The following SFXN1 variants were observed in gnomAD, a reference collection of about 807,000 sequenced individuals.
SFXN1 encodes sideroflexin-1.
SFXN1 carries 32 observed loss-of-function variants against 39.5 expected under a neutral mutation model. That is an observed-to-expected ratio of 0.81 (90% confidence interval 0.61 to 1.09). The LOEUF (loss-of-function observed/expected upper bound fraction) is 1.09, where lower values mean the gene tolerates loss of function less well. SFXN1 is among the 50% of genes least tolerant of loss of function. The pLI, the probability that SFXN1 is intolerant of heterozygous loss-of-function variation, is 0.00. For synonymous variants in SFXN1, 136 were observed against 146.5 expected (o/e 0.93, Z 0.52); for missense variants, 402 against 407.1 (o/e 0.99, Z 0.11).
At chr5:175,519,440 A>C (rs1424893236) in intron 8 of SFXN1, among the ~76,000 whole-genome samples, 1 of 152,266 alleles carries the variant, frequency 6.6e-6, no homozygotes, top group Non-Finnish European at 1.5e-5. Flanking sequence ...GAAACAGCTC[A>C]AATGCCAATA....
chr5:175,514,484 G>A (rs1760649210), intron 7 of SFXN1, among the ~76,000 whole-genome samples: 1 of 152,110 alleles, frequency 6.6e-6, no homozygotes, highest in Non-Finnish European at 1.5e-5. Context: ...GGCAGTTAGA[G>A]TGCTCTTCAC....
intron 1 of SFXN1, chr5:175,484,218 A>AC (rs1482720864): frequency 6.6e-6 from 1 of 152,194 alleles, no homozygotes; most frequent in East Asian, 1.9e-4. Context: ...GATGTTCAAG[A>AC]CACCTCTGTA....
chr5:175,518,471 A>G (rs1292415540), intron 8 of SFXN1, among the ~76,000 whole-genome samples: 1 of 152,178 alleles, frequency 6.6e-6, no homozygotes, highest in Non-Finnish European at 1.5e-5. Flanking sequence ...ACGACCCCTG[A>G]TCTCAGGGAG....
At chr5:175,510,557 C>A (rs1440809229) in intron 4 of SFXN1, among the ~76,000 whole-genome samples, 1 of 152,170 alleles carries the variant, frequency 6.6e-6, no homozygotes, top group Non-Finnish European at 1.5e-5. Flanking sequence ...GTTCCGCCAT[C>A]TACCCTGCCT....
intron 2 of SFXN1, among the ~76,000 whole-genome samples, chr5:175,505,289 C>A (rs943385559): frequency 4.6e-5 from 7 of 151,754 alleles, no homozygotes; most frequent in Non-Finnish European, 1.0e-4. Context: ...TATCCCAGCA[C>A]TTTGGGAGGC....
intron 1 of SFXN1, among the ~76,000 whole-genome samples, chr5:175,486,395 A>C (rs572435647): frequency 6.6e-6 from 1 of 152,220 alleles, no homozygotes; most frequent in Non-Finnish European, 1.5e-5. Context: ...GCTTCCGCAT[A>C]ATAAGCGCAT....
At chr5:175,509,338 T>G in intron 3 of SFXN1, 136 bp downstream of exon 3, 2 of 780,788 alleles carry the variant, frequency 2.6e-6, no homozygotes, top group Non-Finnish European at 3.9e-6. Flanking sequence ...ATTAGCTTGA[T>G]TGAATCATTC....
At chr5:175,515,268 G>A (rs527451252) in intron 7 of SFXN1, among the ~76,000 whole-genome samples, 20 of 152,168 alleles carry the variant, frequency 1.3e-4, no homozygotes, top group African/African-American at 2.2e-4. Context: ...CACCCACCCC[G>A]AATGCTAGGT....
intron 2 of SFXN1, among the ~76,000 whole-genome samples, chr5:175,500,402 CAACACA>C (rs1209840361): frequency 1.2e-4 from 9 of 75,828 alleles, no homozygotes; most frequent in African/African-American, 3.2e-4. Context: ...GCCTGTACAC[CAACACA>C]CACACACACA....
chr5:175,518,029 T>TC (rs1240423219), intron 8 of SFXN1, among the ~76,000 whole-genome samples: 1 of 152,000 alleles, frequency 6.6e-6, no homozygotes, highest in African/African-American at 2.4e-5. Context: ...GACTCATCCA[T>TC]CCCCCTACGC....
chr5:175,482,382 G>C (rs1759287045), intron 1 of SFXN1, among the ~76,000 whole-genome samples: 1 of 152,106 alleles, frequency 6.6e-6, no homozygotes, highest in Non-Finnish European at 1.5e-5. Flanking sequence ...CTGCTAACTT[G>C]TTTTCTACAA....
intron 6 of SFXN1, among the ~76,000 whole-genome samples, chr5:175,513,225 C>A (rs1309625338): frequency 1.4e-5 from 2 of 147,254 alleles, no homozygotes; most frequent in Non-Finnish European, 3.0e-5. Flanking sequence ...GCTTTGAACC[C>A]GGGAGGCAGA....
intron 7 of SFXN1, chr5:175,513,815 C>A (rs1222317601): frequency 9.3e-6 from 4 of 430,838 alleles, no homozygotes; most frequent in Non-Finnish European, 1.7e-5. Flanking sequence ...CGGGGAAGAG[C>A]ACTGGGTGGA....
chr5:175,503,654 C>G (rs922948270), intron 2 of SFXN1, among the ~76,000 whole-genome samples: 3 of 152,082 alleles, frequency 2.0e-5, no homozygotes, highest in African/African-American at 4.8e-5. Context: ...CAGTAGTGAG[C>G]AATGCACGAA....
chr5:175,492,322 C>T, intron 2 of SFXN1, 55 bp downstream of exon 2: 1 of 1,402,844 alleles, frequency 7.1e-7, no homozygotes, highest in Non-Finnish European at 9.4e-7. Flanking sequence ...TCATGTTAGG[C>T]TGCTATCTTT....
intron 1 of SFXN1, among the ~76,000 whole-genome samples, chr5:175,487,229 C>A (rs1212774703): frequency 6.6e-6 from 1 of 152,198 alleles, no homozygotes; most frequent in Non-Finnish European, 1.5e-5. Context: ...TGGATCAGAA[C>A]CTCTAGAAGG....
chr5:175,484,620 T>C (rs1424572068), intron 1 of SFXN1, among the ~76,000 whole-genome samples: 1 of 152,244 alleles, frequency 6.6e-6, no homozygotes, highest in Non-Finnish European at 1.5e-5. Flanking sequence ...TCTCGCTCCC[T>C]GAATAGACTC....
chr5:175,478,830 G>A (rs900228599), intron 1 of SFXN1, among the ~76,000 whole-genome samples, 191 bp downstream of exon 1: 6 of 151,946 alleles, frequency 3.9e-5, no homozygotes, highest in Non-Finnish European at 7.4e-5. Flanking sequence ...CCCTGCACCT[G>A]GGGATCCCTG....
rs1178703355 is a variant in SFXN1 at position 175,513,601 on chromosome 5, CT to C, written c.724+14del. ...CAGCCCCTGGCATGGGTTAGCAGGA[CT>C]TTGTCATTTATTCCATAAATACAGG... On this transcript the variant is annotated intron_variant, in intron 7 of 10. Transcript: ENST00000321442. 1 of 1,613,156 alleles carries C rather than the reference CT, an allele frequency of 6.2e-7. No individual in the cohort carries two copies. The highest frequency in any genetic ancestry group is 8.5e-7 in the Non-Finnish European group (1 of 1,179,496).
Sources: allele counts gnomAD v4.1 joint callset (sites outside exome capture counted in the v4.1 genomes callset), GRCh38; gene constraint gnomAD v4.1.1; transcripts MANE v1.5; gene names NCBI Gene and HGNC (gene_info 2026-07-23, HGNC 2026-07-21).